Variants in BRSK1 observed in about 807,000 individuals in gnomAD.
BRSK1 encodes the protein serine/threonine-protein kinase BRSK1.
In BRSK1, 17 loss-of-function variants were observed where a neutral mutation model predicts 86.2. The observed-to-expected ratio is 0.20, with a 90% CI of 0.14 to 0.30. The LOEUF (loss-of-function observed/expected upper bound fraction) is 0.30, where lower values mean the gene tolerates loss of function less well. Among genes scored for constraint, BRSK1 ranks in the 10% least tolerant of loss-of-function variants. The pLI is 1.00. For synonymous variants in BRSK1, 464 were observed against 440.1 expected (o/e 1.05, Z -0.68); for missense variants, 719 against 1,071.9 (o/e 0.67, Z 4.60).
Position 55,289,506 on chromosome 19 carries a change from G to T in BRSK1, c.344G>T (p.Gly115Val). Reference sequence around the variant, plus strand: ...TACCTGGTTCTGGAGCACGTCTCGGGGGGTGAGCTATTCGACTACCTGGTA... The same window carrying T: ...TACCTGGTTCTGGAGCACGTCTCGGTGGGTGAGCTATTCGACTACCTGGTA... ...YLYLVLEHVSGGELFDYLVKK... is the reference protein window; with the variant it reads ...YLYLVLEHVSVGELFDYLVKK... The change falls in exon 4 of 19, where the codon GGG becomes GTG. Residue 115 changes from glycine (G) to valine (V), a missense_variant. Gly to Val is a moderately radical substitution (Grantham distance 109). Coordinates refer to ENST00000309383, the MANE Select transcript of BRSK1 (RefSeq NM_032430.2). The T allele has an allele frequency of 6.2e-7, 1 of 1,613,808 alleles. No homozygotes were observed. Among genetic ancestry groups the T allele is most frequent in the Non-Finnish European group, 8.5e-7 (1 of 1,179,892 alleles).
intron 18 of BRSK1, 96 bp from the exon 19 acceptor site, chr19:55,311,815 G>T: frequency 1.5e-6 from 2 of 1,339,512 alleles, no homozygotes; most frequent in South Asian, 1.4e-5. Context: ...GGGTTACTGA[G>T]ACCGACTGAT....
chr19:55,301,947 C>T lies in BRSK1; in HGVS notation c.826-190C>T, dbSNP rs529211367. 3 of 840,676 alleles carry T rather than the reference C, an allele frequency of 3.6e-6. No individual in the cohort carries two copies. The South Asian group carries it at 4.4e-5, about 12-fold the overall frequency. The allele number at this position is 840,676 out of a possible 1,614,324, so 52.1% of individuals were successfully genotyped here. ...AAAGTAATGCGGCCGGTCCGGGGTACACGGAGACCGCGCGTGCGCGGGGCG... is the reference window on the plus strand; with the variant it reads ...AAAGTAATGCGGCCGGTCCGGGGTATACGGAGACCGCGCGTGCGCGGGGCG... On this transcript the variant is annotated intron_variant, in intron 8 of 18. Coordinates refer to ENST00000309383, the MANE Select transcript of BRSK1 (RefSeq NM_032430.2).
rs372538180 is a variant in BRSK1 at position 55,302,306 on chromosome 19, G to C, written c.857+138G>C. 1.1e-5 allele frequency: 11 copies of C among 995,330 alleles called. No individual in the cohort carries two copies. The African/African-American group carries it at 1.6e-4, about 14-fold the overall frequency. 61.7% of individuals were successfully genotyped at this position (995,330 alleles called of 1,614,324 possible). On this transcript the variant is annotated intron_variant, in intron 9 of 18. Coordinates refer to ENST00000309383, the MANE Select transcript of BRSK1 (RefSeq NM_032430.2). This position sits in a 1 kb window ranked among gnomAD's most constrained non-coding sequence, Gnocchi z 6.3. Reference sequence around the variant, plus strand: ...TAGGGACTCGGACTTATGGGTCCTGGGGGAAGAGGACACAGCTAGAGAAGG... The same window carrying C: ...TAGGGACTCGGACTTATGGGTCCTGCGGGAAGAGGACACAGCTAGAGAAGG...
chr19:55,296,841 C>T (rs1449746074), intron 7 of BRSK1, among the ~76,000 whole-genome samples: 1 of 151,504 alleles, frequency 6.6e-6, no homozygotes, highest in South Asian at 2.1e-4. Flanking sequence ...GAGCGAGACT[C>T]CGTCTCAAAA....
At chr19:55,285,761 G>A (rs1471011193) in intron 1 of BRSK1, among the ~76,000 whole-genome samples, 3 of 152,254 alleles carry the variant, frequency 2.0e-5, no homozygotes, top group Non-Finnish European at 2.9e-5. Flanking sequence ...GGAGCTGAAC[G>A]CCCAGAGTCT....
chr19:55,285,403 T>C (rs1005578755), intron 1 of BRSK1, among the ~76,000 whole-genome samples: 1 of 152,048 alleles, frequency 6.6e-6, no homozygotes, highest in African/African-American at 2.4e-5. Context: ...GGAGGCGGCC[T>C]GCAGAGTGGG....
At chr19:55,309,844 G>T (rs563386966) in intron 18 of BRSK1, among the ~76,000 whole-genome samples, 3 of 152,192 alleles carry the variant, frequency 2.0e-5, no homozygotes, top group African/African-American at 4.8e-5. Context: ...CCTGAGACAC[G>T]GGGTCACAGG....
At position 55,306,245 on chromosome 19, in the gene BRSK1, C is replaced by T. The variant is rs757121055; in HGVS notation, c.1891-7C>T. ...CTCACCCCTTCCTGTGTTCCTACCT[C>T]GCTCAGATCCCCAGCCTGAGTCACA... On this transcript the variant is annotated splice_polypyrimidine_tract_variant and splice_region_variant and intron_variant, in intron 16 of 18. Transcript: ENST00000309383. The surrounding 1 kb of genome is among the most constrained non-coding windows in gnomAD (Gnocchi z 4.7). 6.8e-6 allele frequency: 11 copies of T among 1,613,820 alleles called. No homozygotes were observed. The highest frequency in any genetic ancestry group is 2.2e-5 in the South Asian group (2 of 91,074).
chr19:55,284,466 A>G lies in BRSK1; in HGVS notation c.24A>G (p.Gly8=). The G allele has an allele frequency of 7.7e-7, 1 of 1,292,800 alleles. No homozygotes were observed. Among genetic ancestry groups the G allele is most frequent in the Non-Finnish European group, 1.0e-6 (1 of 996,588 alleles). The allele number at this position is 1,292,800 out of a possible 1,614,324, so 80.1% of individuals were successfully genotyped here. A position where few individuals can be genotyped will look rare whatever the true frequency, so the allele number is the denominator to read the frequency against. MSSGAKE[G]GGGSPAYHLP... ...CCATGTCGTCCGGGGCCAAGGAGGG[A>G]GGTGGGGGCTCTCCCGCCTACCACC... The change falls in exon 1 of 19, where the codon GGA becomes GGG. Residue 8 remains glycine, a synonymous_variant. Transcript: ENST00000309383.
intron 4 of BRSK1, among the ~76,000 whole-genome samples, chr19:55,291,650 C>G (rs1336666294): frequency 6.6e-6 from 1 of 152,226 alleles, no homozygotes; most frequent in Non-Finnish European, 1.5e-5. Flanking sequence ...ATTTGCGCAT[C>G]TCTCTCACTA....
intron 1 of BRSK1, among the ~76,000 whole-genome samples, chr19:55,286,635 G>A (rs963682854): frequency 2.6e-5 from 4 of 151,262 alleles, no homozygotes; most frequent in African/African-American, 9.7e-5. Flanking sequence ...AGGAATTGAT[G>A]GAGAGAGACA....
At chr19:55,308,289 T>G (rs1033201527) in intron 17 of BRSK1, among the ~76,000 whole-genome samples, 4 of 152,120 alleles carry the variant, frequency 2.6e-5, no homozygotes, top group Non-Finnish European at 5.9e-5. Context: ...CATTCCAGAG[T>G]GTTGGGATTA....
chr19:55,304,445 C>G lies in BRSK1; in HGVS notation c.1348-106C>G. On this transcript the variant is annotated intron_variant, in intron 13 of 18. Coordinates refer to ENST00000309383, the MANE Select transcript of BRSK1 (RefSeq NM_032430.2). The surrounding 1 kb of genome is among the most constrained non-coding windows in gnomAD (Gnocchi z 5.2). Reference sequence around the variant, plus strand: ...AGGAGGATACTTGGACTACAAGTTGCAGCATGCACCGGGCCAGCGTCCGTG... The same window carrying G: ...AGGAGGATACTTGGACTACAAGTTGGAGCATGCACCGGGCCAGCGTCCGTG... 3.1e-6 allele frequency: 4 copies of G among 1,296,668 alleles called. No homozygotes were observed. Among genetic ancestry groups the G allele is most frequent in the Non-Finnish European group, 3.1e-6 (3 of 969,186 alleles). The allele number at this position is 1,296,668 out of a possible 1,614,324, so 80.3% of individuals were successfully genotyped here.
At chr19:55,307,087 T>C (rs1026934568) in intron 17 of BRSK1, among the ~76,000 whole-genome samples, 1 of 152,216 alleles carries the variant, frequency 6.6e-6, no homozygotes, top group African/African-American at 2.4e-5. Context: ...GGTCCCTCCA[T>C]CCTGATAGTG....
In BRSK1 at chr19:55,287,272, A is replaced by G; in HGVS notation, c.290A>G (p.His97Arg). Residue 97 changes from histidine (H) to arginine (R), a missense_variant, in exon 3 of 19, where the codon CAC (histidine) becomes CGC (arginine). Transcript: ENST00000309383. This position sits in a 1 kb window ranked among gnomAD's most constrained non-coding sequence, Gnocchi z 5.3. Reference sequence around the variant, plus strand: ...GAACACCCACATGTCCTCAAGCTCCACGACGTCTACGAGAACAAGAAATAT... The same window carrying G: ...GAACACCCACATGTCCTCAAGCTCCGCGACGTCTACGAGAACAAGAAATAT... ...LIEHPHVLKL[H>R]DVYENKKYLY... 6.2e-7 allele frequency: 1 copy of G among 1,614,014 alleles called. No individual in the cohort carries two copies.
Position 55,303,283 on chromosome 19 carries a change from T to C in BRSK1, c.1029-28T>C, listed in dbSNP as rs773094940. On this transcript the variant is annotated intron_variant, in intron 10 of 18. Transcript: ENST00000309383. This position sits in a 1 kb window ranked among gnomAD's most constrained non-coding sequence, Gnocchi z 5.1. ...TTGGACCTCAGCCCTCTGCTACCTC[T>C]TTCCACCTTTCCCACCCCCTGCCTT... The C allele has an allele frequency of 1.3e-6, 2 of 1,580,186 alleles. No homozygotes were observed. The highest frequency in any genetic ancestry group is 1.3e-5 in the African/African-American group (1 of 74,334).
At chr19:55,307,792 TAAAAA>T (rs1179159266) in intron 17 of BRSK1, among the ~76,000 whole-genome samples, 1 of 88,322 alleles carries the variant, frequency 1.1e-5, no homozygotes, top group East Asian at 3.3e-4. Flanking sequence ...ACACACAATT[TAAAAA>T]AAAAAAAAAA....
chr19:55,300,533 T>C (rs2088555575), intron 7 of BRSK1, among the ~76,000 whole-genome samples: 1 of 151,492 alleles, frequency 6.6e-6, no homozygotes, highest in Admixed American at 6.6e-5. Flanking sequence ...TGAAACCCCA[T>C]CTCTGCTAAA....
rs563346150 is a variant in BRSK1 at position 55,301,942 on chromosome 19, G to A, written c.826-195G>A. The A allele has an allele frequency of 9.7e-6, 8 of 827,000 alleles. No homozygotes were observed. The African/African-American group carries it at 9.9e-5, about 10-fold the overall frequency. The allele number at this position is 827,000 out of a possible 1,614,324, so 51.2% of individuals were successfully genotyped here. A position where few individuals can be genotyped will look rare whatever the true frequency, so the allele number is the denominator to read the frequency against. ...GCGGCAAAGTAATGCGGCCGGTCCG[G>A]GGTACACGGAGACCGCGCGTGCGCG... is the stretch of plus-strand genomic sequence containing the variant. On this transcript the variant is annotated intron_variant, in intron 8 of 18. Coordinates refer to ENST00000309383, the MANE Select transcript of BRSK1 (RefSeq NM_032430.2).
Sources: allele counts gnomAD v4.1 joint callset (sites outside exome capture counted in the v4.1 genomes callset), GRCh38; gene constraint gnomAD v4.1.1; non-coding constraint Gnocchi (gnomAD v3.1); transcripts MANE v1.5; gene names NCBI Gene and HGNC (gene_info 2026-07-23, HGNC 2026-07-21).